Variants in TRHDE observed in about 807,000 individuals in gnomAD.
TRHDE encodes the protein thyrotropin-releasing hormone-degrading ectoenzyme.
In TRHDE, 72 loss-of-function variants were observed where a neutral mutation model predicts 125.7. The ratio of observed to expected loss-of-function variants is 0.57; its 90% CI spans 0.47 to 0.70. TRHDE has a LOEUF of 0.70. Among genes scored for constraint, TRHDE ranks in the 30% least tolerant of loss-of-function variants. The pLI is 0.00. For synonymous variants in TRHDE, 509 were observed against 509.1 expected (o/e 1.00, Z 0.00); for missense variants, 1,110 against 1,327.1 (o/e 0.84, Z 2.54).
At chr12:72,114,891 T>C (rs1299215337) in intron 2 of TRHDE, among the ~76,000 whole-genome samples, 5 of 152,296 alleles carry the variant, frequency 3.3e-5, no homozygotes, top group African/African-American at 1.2e-4. Context: ...CATGGTATGG[T>C]TCCTGCAAGG....
intron 3 of TRHDE, among the ~76,000 whole-genome samples, chr12:72,468,750 C>T (rs2135895920): frequency 6.6e-6 from 1 of 152,338 alleles, no homozygotes; most frequent in East Asian, 1.9e-4. Flanking sequence ...CTGCCAGGGC[C>T]AATTCCCAGC....
chr12:72,365,461 A>G (rs1871302622), intron 2 of TRHDE, among the ~76,000 whole-genome samples: 1 of 152,128 alleles, frequency 6.6e-6, no homozygotes, highest in Non-Finnish European at 1.5e-5. Context: ...ATTCTGATGC[A>G]AACATTGTGG....
intron 2 of TRHDE, among the ~76,000 whole-genome samples, chr12:72,123,969 C>T (rs1254953162): frequency 6.6e-6 from 1 of 152,134 alleles, no homozygotes; most frequent in Non-Finnish European, 1.5e-5. Context: ...ATTTGAGACT[C>T]ATCTATATTG....
intron 3 of TRHDE, among the ~76,000 whole-genome samples, chr12:72,398,471 A>G (rs1209554250): frequency 6.6e-6 from 1 of 152,214 alleles, no homozygotes; most frequent in Non-Finnish European, 1.5e-5. Flanking sequence ...CCATTTATAT[A>G]GCAGTGTCTA....
chr12:72,631,767 G>A (rs988873071), intron 15 of TRHDE, among the ~76,000 whole-genome samples: 1 of 151,772 alleles, frequency 6.6e-6, no homozygotes, highest in African/African-American at 2.4e-5. Context: ...TTTTTGGTTG[G>A]GAAACTTTTA....
At chr12:72,634,320 G>A (rs890649496) in intron 15 of TRHDE, among the ~76,000 whole-genome samples, 30 of 151,972 alleles carry the variant, frequency 2.0e-4, no homozygotes, top group African/African-American at 6.5e-4. Flanking sequence ...CTTTGTAAAT[G>A]CAGGTTATTT....
intron 10 of TRHDE, among the ~76,000 whole-genome samples, chr12:72,569,547 T>C (rs893442050): frequency 2.6e-5 from 4 of 152,136 alleles, no homozygotes; most frequent in African/African-American, 9.7e-5. Flanking sequence ...GCCTTGCTAT[T>C]ATAAGGGAGG....
chr12:72,540,976 T>G (rs532419036), intron 6 of TRHDE, among the ~76,000 whole-genome samples: 2 of 151,790 alleles, frequency 1.3e-5, no homozygotes, highest in African/African-American at 4.8e-5. Flanking sequence ...ATTCATAGTC[T>G]GAGTATTGCA....
chr12:72,248,014 CATGT>C (rs1228820825), intron 2 of TRHDE, among the ~76,000 whole-genome samples: 2 of 151,932 alleles, frequency 1.3e-5, no homozygotes, highest in East Asian at 1.9e-4. Context: ...TGTATGTATG[CATGT>C]ATGTGTGTAT....
intron 2 of TRHDE, among the ~76,000 whole-genome samples, chr12:72,155,485 C>T (rs972446106): frequency 6.6e-6 from 1 of 152,130 alleles, no homozygotes; most frequent in African/African-American, 2.4e-5. Context: ...TTAGAGTTTC[C>T]GGTTTTTCTG....
intron 6 of TRHDE, among the ~76,000 whole-genome samples, chr12:72,516,345 G>A (rs940485398): frequency 6.6e-6 from 1 of 152,082 alleles, no homozygotes; most frequent in Non-Finnish European, 1.5e-5. Context: ...AGTTCTTCTT[G>A]AAGAGGTCCT....
chr12:72,666,047 G>A lies in TRHDE; in HGVS notation c.*2852G>A, dbSNP rs1875102615. Reference sequence around the variant, plus strand: ...TATATCATAGGACTAAGATTTTTGTGATAGTATTATTTACAAATATTATAA... The same window carrying A: ...TATATCATAGGACTAAGATTTTTGTAATAGTATTATTTACAAATATTATAA... On this transcript the variant is annotated 3_prime_UTR_variant, in exon 19 of 19. Coordinates refer to ENST00000261180, the MANE Select transcript of TRHDE (RefSeq NM_013381.3). The A allele has an allele frequency of 2.0e-5, 3 of 151,994 alleles. No individual in the cohort carries two copies. Among genetic ancestry groups the A allele is most frequent in the African/African-American group, 7.2e-5 (3 of 41,414 alleles). 9.4% of individuals were successfully genotyped at this position (151,994 alleles called of 1,614,324 possible). A position where few individuals can be genotyped will look rare whatever the true frequency, so the allele number is the denominator to read the frequency against.
At chr12:72,184,484 A>G (rs1877161140) in intron 2 of TRHDE, among the ~76,000 whole-genome samples, 2 of 152,192 alleles carry the variant, frequency 1.3e-5, no homozygotes, top group South Asian at 4.1e-4. Flanking sequence ...AAATACCAGA[A>G]CTAATCAAGA....
chr12:72,228,397 G>C (rs1878179656), intron 2 of TRHDE, among the ~76,000 whole-genome samples: 1 of 152,110 alleles, frequency 6.6e-6, no homozygotes, highest in African/African-American at 2.4e-5. Flanking sequence ...TTTTAGCCAT[G>C]GCGTGAATGC....
Position 72,316,378 on chromosome 12 carries a change from T to C in TRHDE, c.1188+29424T>C, listed in dbSNP as rs554260265. 2.0e-5 allele frequency among the ~76,000 whole-genome samples: 3 copies of C among 152,266 alleles called. No homozygotes were observed. The East Asian group carries it at 5.8e-4, about 29-fold the overall frequency. On this transcript the variant is annotated intron_variant, in intron 2 of 18. Transcript: ENST00000261180. ...TGGAAGCAACATAGGGTATAGCTAATGCTCATGGCGATCACTGAAATATAC... is the reference window on the plus strand; with the variant it reads ...TGGAAGCAACATAGGGTATAGCTAACGCTCATGGCGATCACTGAAATATAC...
intron 3 of TRHDE, among the ~76,000 whole-genome samples, chr12:72,430,049 G>A (rs1393434740): frequency 6.6e-6 from 1 of 151,112 alleles, no homozygotes; most frequent in Non-Finnish European, 1.5e-5. Flanking sequence ...TTGTTGTTTT[G>A]TTTTTGGTGT....
At chr12:72,639,407 T>G (rs1873930073) in intron 15 of TRHDE, among the ~76,000 whole-genome samples, 1 of 151,698 alleles carries the variant, frequency 6.6e-6, no homozygotes, top group Admixed American at 6.6e-5. Context: ...TACATTCTTC[T>G]AAACTTTTTT....
chr12:72,312,595 A>G (rs1868597962), intron 2 of TRHDE, among the ~76,000 whole-genome samples: 1 of 152,204 alleles, frequency 6.6e-6, no homozygotes, highest in Non-Finnish European at 1.5e-5. Context: ...TTGGTAGCCT[A>G]CCACCATTTC....
intron 3 of TRHDE, among the ~76,000 whole-genome samples, chr12:72,424,027 C>T (rs945672601): frequency 5.3e-5 from 8 of 152,118 alleles, no homozygotes; most frequent in African/African-American, 1.2e-4. Context: ...TGGATAACCA[C>T]GTACCACAAA....
Sources: gnomAD v4.1 joint callset for allele counts (sites outside exome capture counted in the v4.1 genomes callset) on GRCh38, gnomAD v4.1.1 for gene constraint, MANE v1.5 for transcripts, NCBI Gene and HGNC (gene_info 2026-07-23, HGNC 2026-07-21) for gene names.